Variants in RGS12 observed in about 807,000 individuals in gnomAD.
RGS12 encodes the protein regulator of G protein signaling 12.
Under a neutral mutation model 120.1 loss-of-function variants are expected in RGS12, and 66 were observed. That is an observed-to-expected ratio of 0.55 (90% CI 0.45 to 0.67). The LOEUF is 0.67. RGS12 is among the 30% of genes least tolerant of loss of function. RGS12 has a pLI of 0.00. For synonymous variants in RGS12, 827 were observed against 804.7 expected (o/e 1.03, Z -0.47); for missense variants, 1,859 against 1,957.7 (o/e 0.95, Z 0.95).
intron 2 of RGS12, among the ~76,000 whole-genome samples, chr4:3,334,462 G>A (rs899276794): frequency 2.6e-5 from 4 of 152,130 alleles, no homozygotes; most frequent in African/African-American, 9.7e-5. Flanking sequence ...CTGTGTTTGA[G>A]TGAGACTATC....
Position 3,372,357 on chromosome 4 carries a change from G to A in RGS12, c.1999-14059G>A, listed in dbSNP as rs565815303. 4.6e-5 allele frequency among the ~76,000 whole-genome samples: 7 copies of A among 152,292 alleles called. No homozygotes were observed. The highest frequency in any genetic ancestry group is 2.1e-4 in the South Asian group (1 of 4,822). ...CACAGGGTCCTGGGTGGGACTTTCC[G>A]GGGCAGTTCCACCTCTCCTGTGAGT... is the stretch of plus-strand genomic sequence containing the variant. On this transcript the variant is annotated intron_variant, in intron 3 of 17. Transcript: ENST00000336727. This position sits in a 1 kb window ranked among gnomAD's most constrained non-coding sequence, Gnocchi z 4.3.
rs972915505 is a variant in RGS12, at chr4:3,356,701, A to G, written c.1998+13648A>G. ...TTGGCATAATGTTCTGGGGTCATCC[A>G]TGTTGTAGCTTGTGTCAGAATGTCC... On this transcript the variant is annotated intron_variant, in intron 3 of 17. Transcript: ENST00000336727. Among the ~76,000 whole-genome samples, 3 of 152,156 alleles carry G rather than the reference A, an allele frequency of 2.0e-5. No individual in the cohort carries two copies. The South Asian group carries it at 6.2e-4, about 32-fold the overall frequency.
chr4:3,363,575 C>G (rs1715956313), intron 3 of RGS12, among the ~76,000 whole-genome samples: 2 of 152,104 alleles, frequency 1.3e-5, no homozygotes, highest in Non-Finnish European at 2.9e-5. Context: ...GTAGGAGAAT[C>G]TGCTTGGGAA....
intron 17 of RGS12, among the ~76,000 whole-genome samples, chr4:3,436,542 G>A (rs565581934): frequency 2.6e-5 from 4 of 152,268 alleles, no homozygotes; most frequent in Admixed American, 2.0e-4. Flanking sequence ...CCTGGGTCTC[G>A]AAGGAGAGCC....
In RGS12 at chr4:3,316,497, A is replaced by G. The variant is rs748359816; in HGVS notation, c.327A>G (p.Glu109=). ...GCTTCGAATCCTGTTCCAGTGATGA[A>G]GAAGGGGGACTCTATGAAGGAAAAG... ...VGRFESCSSD[E]EGGLYEGKGW... The change falls in exon 2 of 18, where the codon GAA becomes GAG. Residue 109 remains glutamate, a synonymous_variant. Transcript: ENST00000336727. 1.2e-6 allele frequency: 2 copies of G among 1,614,178 alleles called. No individual in the cohort carries two copies. The highest frequency in any genetic ancestry group is 1.1e-5 in the South Asian group (1 of 91,084).
chr4:3,289,694 C>G (rs1722972405), upstream of RGS12, among the ~76,000 whole-genome samples: 1 of 152,104 alleles, frequency 6.6e-6, no homozygotes, highest in East Asian at 1.9e-4. Flanking sequence ...AAAATCTACT[C>G]TTAGAGATTT....
chr4:3,414,057 G>T lies in RGS12; in HGVS notation c.2021-15G>T. On this transcript the variant is annotated splice_polypyrimidine_tract_variant and intron_variant, in intron 4 of 17. Coordinates refer to ENST00000336727, the MANE Select transcript of RGS12 (RefSeq NM_001394154.1). The stretch of plus-strand genomic sequence containing the variant: ...GAGGGCAGGGGTGCAGGTGCTGTCT[G>T]TGCTGGTCCCGCAGAGTTGACGGGC... The T allele has an allele frequency of 6.5e-7, 1 of 1,540,284 alleles. No individual in the cohort carries two copies. The highest frequency in any genetic ancestry group is 2.3e-5 in the East Asian group (1 of 42,688).
At chr4:3,332,813 A>G (rs1712008906) in intron 2 of RGS12, among the ~76,000 whole-genome samples, 1 of 152,138 alleles carries the variant, frequency 6.6e-6, no homozygotes, top group Non-Finnish European at 1.5e-5. Context: ...TATGGTTTAC[A>G]CTTTGTGTCT....
rs1723934119 is a variant in RGS12, at chr4:3,428,688, A to G, written c.3542A>G (p.Lys1181Arg). ...IAKIGKKKYQKINLDEAEEFF... is the reference protein window; with the variant it reads ...IAKIGKKKYQRINLDEAEEFF... ...AAGATTGGGAAAAAAAAATATCAGA[A>G]AATTAATTTGGACGAAGCAGAGGGT... The change falls in exon 16 of 18, where the codon AAA (lysine) becomes AGA (arginine). Residue 1181 changes from lysine to arginine, a missense_variant. Coordinates refer to ENST00000336727, the MANE Select transcript of RGS12 (RefSeq NM_001394154.1). 2 of 1,594,990 alleles carry G rather than the reference A, an allele frequency of 1.3e-6. No homozygotes were observed. The highest frequency in any genetic ancestry group is 1.7e-6 in the Non-Finnish European group (2 of 1,175,184).
At chr4:3,393,595 T>C (rs1019403865) in intron 4 of RGS12, among the ~76,000 whole-genome samples, 3 of 152,172 alleles carry the variant, frequency 2.0e-5, no homozygotes, top group African/African-American at 7.2e-5. Flanking sequence ...CATCAGGAAT[T>C]ACACCCCTTC....
intron 17 of RGS12, among the ~76,000 whole-genome samples, chr4:3,434,496 G>A (rs1478574921): frequency 1.3e-5 from 2 of 152,282 alleles, no homozygotes; most frequent in African/African-American, 4.8e-5. Flanking sequence ...CACGTTTTGT[G>A]CATATCTGTG....
At position 3,316,574 on chromosome 4, in the gene RGS12, A is replaced by G. The variant is rs1724770846; in HGVS notation, c.404A>G (p.Glu135Gly). Residue 135 changes from glutamate (E) to glycine (G), a missense_variant, in exon 2 of 18, where the codon GAG becomes GGG. By Grantham distance (98) the Glu-to-Gly change is moderately conservative (BLOSUM62 -2). This residue lies in a region of RGS12 where 967 missense variants were observed against 994.2 expected (regional missense o/e 0.97). Transcript: ENST00000336727. The stretch of plus-strand genomic sequence containing the variant: ...AAAGCACTAGGTATAAACAGAGCAG[A>G]GCGAGTCGTGGAGGAAATGCAGTCT... Reference protein sequence around the residue: ...DSKALGINRAERVVEEMQSGG... With the variant: ...DSKALGINRAGRVVEEMQSGG... The G allele has an allele frequency of 1.2e-6, 2 of 1,614,220 alleles. No homozygotes were observed. The highest frequency in any genetic ancestry group is 4.5e-5 in the East Asian group (2 of 44,884).
chr4:3,297,945 T>G (rs1723472541), intron 1 of RGS12, among the ~76,000 whole-genome samples: 1 of 152,222 alleles, frequency 6.6e-6, no homozygotes, highest in East Asian at 1.9e-4. Flanking sequence ...ACATCTTTAT[T>G]TTACTCTCCA....
At chr4:3,303,532 CAG>C (rs1723800973) in intron 1 of RGS12, among the ~76,000 whole-genome samples, 1 of 152,044 alleles carries the variant, frequency 6.6e-6, no homozygotes, top group East Asian at 1.9e-4. Context: ...GAGGATCCTG[CAG>C]AGTTTCCCCT....
chr4:3,422,567 C>T lies in RGS12; in HGVS notation c.3030C>T (p.Asp1010=). ...CGGACCTCTTCCTGGTGGGCGGGGA[C>T]AAGGTACTGGGCCCGCCTGACCCTC... ...AAADLFLVGG[D]KPLVLHQDSS... is the part of the protein sequence containing the mutation. The change falls in exon 11 of 18, where the codon GAC becomes GAT. Residue 1010 remains aspartate (D), a synonymous_variant. Coordinates refer to ENST00000336727, the MANE Select transcript of RGS12 (RefSeq NM_001394154.1). 6.2e-7 allele frequency: 1 copy of T among 1,611,458 alleles called. No individual in the cohort carries two copies. The highest frequency in any genetic ancestry group is 8.5e-7 in the Non-Finnish European group (1 of 1,179,772).
chr4:3,408,297 G>A (rs1721371139), intron 4 of RGS12, among the ~76,000 whole-genome samples: 1 of 152,170 alleles, frequency 6.6e-6, no homozygotes, highest in African/African-American at 2.4e-5. Flanking sequence ...TCCACGTGAC[G>A]AGAACAACTC....
chr4:3,370,911 G>C (rs1716914097), intron 3 of RGS12, among the ~76,000 whole-genome samples: 1 of 152,080 alleles, frequency 6.6e-6, no homozygotes, highest in African/African-American at 2.4e-5. Flanking sequence ...AGGCTGTGTT[G>C]GTGCAAAGAT....
intron 2 of RGS12, among the ~76,000 whole-genome samples, chr4:3,321,035 C>T (rs1052590023): frequency 6.6e-5 from 10 of 152,106 alleles, no homozygotes; most frequent in Non-Finnish European, 8.8e-5. Flanking sequence ...TTCTTAGTGA[C>T]GGGGACTTCA....
At chr4:3,412,115 G>A (rs1721798850) in intron 4 of RGS12, among the ~76,000 whole-genome samples, 1 of 152,210 alleles carries the variant, frequency 6.6e-6, no homozygotes, top group Non-Finnish European at 1.5e-5. Flanking sequence ...TTTTTCTATA[G>A]CAGTTTACAT....
Sources: allele counts gnomAD v4.1 joint callset (sites outside exome capture counted in the v4.1 genomes callset), GRCh38; gene constraint gnomAD v4.1.1; regional missense constraint gnomAD v4.1.1; non-coding constraint Gnocchi (gnomAD v3.1); transcripts MANE v1.5; gene names NCBI Gene and HGNC (gene_info 2026-07-23, HGNC 2026-07-21).